ZFAND2A: variants seen among roughly 807,000 people sequenced by gnomAD.
The protein encoded by ZFAND2A is AN1-type zinc finger protein 2A.
A neutral mutation model predicts 11.6 loss-of-function variants in ZFAND2A; 20 were observed. The observed-to-expected ratio is 1.72, with a 90% CI of 1.21 to 2.50. The LOEUF (loss-of-function observed/expected upper bound fraction) is 2.50. Among genes scored for constraint, ZFAND2A ranks in the 30% most tolerant of loss-of-function variants. ZFAND2A has a pLI of 0.00. For synonymous variants in ZFAND2A, 93 were observed against 60.6 expected (o/e 1.54, Z -2.48); for missense variants, 234 against 182.9 (o/e 1.28, Z -1.61).
intron 2 of ZFAND2A, 61 bp downstream of exon 2, chr7:1,158,097 G>C: frequency 1.3e-6 from 2 of 1,518,796 alleles, no homozygotes; most frequent in Non-Finnish European, 1.8e-6. Context: ...CTAATTAACA[G>C]AACAGCCAGC....
At chr7:1,155,691 A>C (rs193227811) in intron 3 of ZFAND2A, 107 bp from the exon 4 acceptor site, 243 of 1,439,710 alleles carry the variant, frequency 1.7e-4, no homozygotes, top group Non-Finnish European at 2.1e-4. Context: ...AAGAGAGGAC[A>C]AAAACCGGTC....
At chr7:1,157,868 G>A (rs1002175274) in intron 2 of ZFAND2A, 118 bp from the exon 3 acceptor site, 21 of 795,562 alleles carry the variant, frequency 2.6e-5, no homozygotes, top group African/African-American at 5.2e-5. Flanking sequence ...ACAGGTCCTC[G>A]AGGGCCACAC....
chr7:1,159,437 C>CCCCAGCAGACAGCCGGACT (rs1376307358), intron 1 of ZFAND2A, among the ~76,000 whole-genome samples: 2 of 151,860 alleles, frequency 1.3e-5, no homozygotes, highest in Admixed American at 1.3e-4. Context: ...CAGGCCCGGC[C>CCCCAGCAGACAGCCGGACT]CCCAGCAGAC....
At chr7:1,156,159 CTG>C (rs1793523637) in intron 3 of ZFAND2A, among the ~76,000 whole-genome samples, 1 of 128,258 alleles carries the variant, frequency 7.8e-6, no homozygotes, top group Non-Finnish European at 1.6e-5. Context: ...AAGGGGTGGA[CTG>C]CCCAGCAGCT....
Position 1,157,643 on chromosome 7 carries a change from A to T in ZFAND2A, c.150+13T>A. On this transcript the variant is annotated intron_variant, in intron 3 of 4. Transcript: ENST00000316495. ...GGTGAAGATGAGAATCTTTTGAACA[A>T]AGGATCAATTACCTTCTGGAATGCA... 6.3e-7 allele frequency: 1 copy of T among 1,575,218 alleles called. No individual in the cohort carries two copies. Among genetic ancestry groups the T allele is most frequent in the Non-Finnish European group, 8.6e-7 (1 of 1,165,606 alleles).
At chr7:1,157,184 T>A (rs949853037) in intron 3 of ZFAND2A, 1 of 152,484 alleles carries the variant, frequency 6.6e-6, no homozygotes, top group African/African-American at 2.4e-5. Context: ...TTCTGCTGTG[T>A]ACTCTGGGAG....
At chr7:1,150,452 T>C (rs1277461581), downstream of ZFAND2A, among the ~76,000 whole-genome samples, 1 of 152,196 alleles carries the variant, frequency 6.6e-6, no homozygotes, top group East Asian at 1.9e-4. Context: ...CCTTATTCCC[T>C]GACACCCCCT....
intron 3 of ZFAND2A, chr7:1,157,062 T>G (rs943968524): frequency 6.6e-6 from 1 of 152,186 alleles, no homozygotes; most frequent in Non-Finnish European, 1.5e-5. Context: ...AAATGACCTG[T>G]GACCCATCCA....
chr7:1,154,935 T>G (rs1348756391), intron 4 of ZFAND2A, among the ~76,000 whole-genome samples: 1 of 152,016 alleles, frequency 6.6e-6, no homozygotes, highest in African/African-American at 2.4e-5. Context: ...CCGGCCAACA[T>G]AGTGAAACCC....
rs140915921 is a variant in ZFAND2A at position 1,158,910 on chromosome 7, A to C, written c.-45-653T>G. ...CCGGGGCCTTTTCCTGGGGCTCACG[A>C]GGTCCCGTCATCTAGTACTCACCAG... is the stretch of plus-strand genomic sequence containing the variant. On this transcript the variant is annotated intron_variant, in intron 1 of 4. Coordinates refer to ENST00000316495, the MANE Select transcript of ZFAND2A (RefSeq NM_182491.4). 5.3e-5 allele frequency among the ~76,000 whole-genome samples: 8 copies of C among 151,932 alleles called. No individual in the cohort carries two copies. The East Asian group carries it at 1.5e-3, about 29-fold the overall frequency.
At chr7:1,154,945 C>G (rs997854954) in intron 4 of ZFAND2A, among the ~76,000 whole-genome samples, 1 of 152,122 alleles carries the variant, frequency 6.6e-6, no homozygotes, top group African/African-American at 2.4e-5. Context: ...TAGTGAAACC[C>G]TGTCTCTACT....
chr7:1,157,561 G>A, intron 3 of ZFAND2A, 95 bp downstream of exon 3: 1 of 1,219,600 alleles, frequency 8.2e-7, no homozygotes, highest in Non-Finnish European at 1.1e-6. Context: ...AATTTTCAAT[G>A]AGTTAGCCAT....
At position 1,157,652 on chromosome 7, in the gene ZFAND2A, T is replaced by C; in HGVS notation, c.150+4A>G. 2 of 1,576,200 alleles carry C rather than the reference T, an allele frequency of 1.3e-6. No individual in the cohort carries two copies. The highest frequency in any genetic ancestry group is 1.7e-6 in the Non-Finnish European group (2 of 1,166,618). ...GAGAATCTTTTGAACAAAGGATCAA[T>C]TACCTTCTGGAATGCAAACGGACAC... On this transcript the variant is annotated splice_donor_region_variant and intron_variant, in intron 3 of 4. Transcript: ENST00000316495.
downstream of ZFAND2A, among the ~76,000 whole-genome samples, chr7:1,148,945 T>G (rs139071817): frequency 6.9e-6 from 1 of 144,106 alleles, no homozygotes; most frequent in African/African-American, 2.8e-5. Context: ...TGGGACCACA[T>G]GCATGCACCA....
downstream of ZFAND2A, among the ~76,000 whole-genome samples, chr7:1,151,715 T>A (rs1476463318): frequency 7.2e-6 from 1 of 138,280 alleles, no homozygotes; most frequent in African/African-American, 2.8e-5. Flanking sequence ...GCTGAGATTG[T>A]GCCACTGCAC....
chr7:1,152,765 C>T (rs1371544307), downstream of ZFAND2A: 1 of 513,494 alleles, frequency 1.9e-6, no homozygotes, highest in East Asian at 3.6e-5. Context: ...TCCCCGCAGC[C>T]CTCAGAAGGG....
downstream of ZFAND2A, among the ~76,000 whole-genome samples, chr7:1,150,155 T>TA (rs149409812): frequency 4.4e-4 from 66 of 149,058 alleles, no homozygotes; most frequent in East Asian, 7.8e-4. Flanking sequence ...TTTGTCAGAT[T>TA]AAAAAAAAAA....
rs766436456 is a variant in ZFAND2A at position 1,153,077 on chromosome 7, C to A, written c.430G>T (p.Ala144Ser). The A allele has an allele frequency of 2.5e-6, 4 of 1,614,182 alleles. No homozygotes were observed. The highest frequency in any genetic ancestry group is 3.4e-6 in the Non-Finnish European group (4 of 1,180,038). The change falls in exon 5 of 5, where the codon GCT (alanine) becomes TCT (serine). Residue 144 changes from alanine (A) to serine (S), a missense_variant. Ala to Ser is a moderately conservative substitution (Grantham distance 99). Coordinates refer to ENST00000316495, the MANE Select transcript of ZFAND2A (RefSeq NM_182491.4). The part of the protein sequence containing the change: ...CRHGSRPTIK[A>S]G ...CGCAGCGGAGTCTCTTCTCACCCAG[C>A]TTTGATGGTGGGGCGACTCCCGTGT...
At chr7:1,158,132 C>G (rs1258119639) in intron 2 of ZFAND2A, 26 bp downstream of exon 2, 1 of 1,608,948 alleles carries the variant, frequency 6.2e-7, no homozygotes, top group Non-Finnish European at 8.5e-7. Flanking sequence ...ATACCATTTT[C>G]TATTAAGTCT....
Sources: gnomAD v4.1 joint callset for allele counts (sites outside exome capture counted in the v4.1 genomes callset) on GRCh38, gnomAD v4.1.1 for gene constraint, MANE v1.5 for transcripts, NCBI Gene and HGNC (gene_info 2026-07-23, HGNC 2026-07-21) for gene names.